The following HS3ST4 variants were observed in gnomAD, a reference collection of about 807,000 sequenced individuals.
HS3ST4 encodes the protein heparan sulfate glucosamine 3-O-sulfotransferase 4.
A neutral mutation model predicts 29.2 loss-of-function variants in HS3ST4; 17 were observed. The ratio of observed to expected loss-of-function variants is 0.58; its 90% CI spans 0.40 to 0.87. HS3ST4 has a LOEUF of 0.87. Ranked by LOEUF, HS3ST4 falls within the 40% of genes least tolerant of loss-of-function variation. The pLI is 0.00. For synonymous variants in HS3ST4, 314 were observed against 285.7 expected (o/e 1.10, Z -1.00); for missense variants, 627 against 634.5 (o/e 0.99, Z 0.13).
At chr16:25,701,526 C>T (rs556702638) in intron 1 of HS3ST4, among the ~76,000 whole-genome samples, 7 of 152,042 alleles carry the variant, frequency 4.6e-5, no homozygotes, top group Non-Finnish European at 8.8e-5. Context: ...GCCAGATGTA[C>T]GTTAAGTATA....
chr16:26,127,205 C>T (rs1039900046), intron 1 of HS3ST4, among the ~76,000 whole-genome samples: 6 of 152,198 alleles, frequency 3.9e-5, no homozygotes, highest in Admixed American at 1.3e-4. Context: ...GCTCAGCAAT[C>T]GACCCTACTC....
intron 1 of HS3ST4, among the ~76,000 whole-genome samples, chr16:25,927,818 T>C (rs959750836): frequency 6.6e-6 from 1 of 152,032 alleles, no homozygotes; most frequent in Non-Finnish European, 1.5e-5. Flanking sequence ...ATTGAGCACC[T>C]ACCATGTTCC....
At chr16:25,842,521 C>A (rs181297056) in intron 1 of HS3ST4, among the ~76,000 whole-genome samples, 27 of 152,300 alleles carry the variant, frequency 1.8e-4, no homozygotes, top group African/African-American at 5.3e-4. Context: ...TCATCTTTTT[C>A]TTCCCAGTAT....
At chr16:25,766,599 ACAT>A (rs1296676117) in intron 1 of HS3ST4, among the ~76,000 whole-genome samples, 1 of 152,240 alleles carries the variant, frequency 6.6e-6, no homozygotes, top group East Asian at 1.9e-4. Flanking sequence ...GTGTGCACAC[ACAT>A]CATTTTAAAA....
chr16:25,768,382 C>T (rs927949915), intron 1 of HS3ST4, among the ~76,000 whole-genome samples: 1 of 152,164 alleles, frequency 6.6e-6, no homozygotes, highest in Admixed American at 6.5e-5. Flanking sequence ...TGCATTAGAT[C>T]CCTCTCTTCT....
intron 1 of HS3ST4, among the ~76,000 whole-genome samples, chr16:26,012,034 TCGA>T (rs1969315837): frequency 1.3e-5 from 2 of 152,176 alleles, no homozygotes; most frequent in African/African-American, 4.8e-5. Context: ...ACCTGAATAA[TCGA>T]TTAATGCTCC....
intron 1 of HS3ST4, among the ~76,000 whole-genome samples, chr16:26,106,080 A>G (rs1000433174): frequency 6.6e-6 from 1 of 152,222 alleles, no homozygotes; most frequent in Non-Finnish European, 1.5e-5. Flanking sequence ...GTGGTTTCCT[A>G]AGACCGTAGA....
chr16:25,897,207 C>A (rs904984225), intron 1 of HS3ST4, among the ~76,000 whole-genome samples: 1 of 152,158 alleles, frequency 6.6e-6, no homozygotes, highest in African/African-American at 2.4e-5. Context: ...GTAATCCCAG[C>A]ACTTTGGAAG....
At chr16:25,998,340 G>A (rs973786414) in intron 1 of HS3ST4, among the ~76,000 whole-genome samples, 7 of 152,088 alleles carry the variant, frequency 4.6e-5, no homozygotes, top group African/African-American at 7.2e-5. Context: ...ATTTGGATAC[G>A]GTAGTGCAGA....
rs1397271916 is a variant in HS3ST4 at position 26,136,369 on chromosome 16, A to G, written c.*121A>G. Reference sequence around the variant, plus strand: ...TGCCAAGTAGATCTCCTCCTCCTTCATGCAGCCAGGATTGCCTCCAGTGCT... The same window carrying G: ...TGCCAAGTAGATCTCCTCCTCCTTCGTGCAGCCAGGATTGCCTCCAGTGCT... On this transcript the variant is annotated 3_prime_UTR_variant, in exon 2 of 2. Coordinates refer to ENST00000331351, the MANE Select transcript of HS3ST4 (RefSeq NM_006040.3). 3.7e-5 allele frequency: 35 copies of G among 953,088 alleles called. No homozygotes were observed. Among genetic ancestry groups the G allele is most frequent in the Non-Finnish European group, 3.0e-6 (2 of 656,212 alleles). The allele number at this position is 953,088 out of a possible 1,614,324, so 59.0% of individuals were successfully genotyped here.
chr16:25,793,649 T>G (rs1966875288), intron 1 of HS3ST4, among the ~76,000 whole-genome samples: 1 of 152,124 alleles, frequency 6.6e-6, no homozygotes, highest in African/African-American at 2.4e-5. Flanking sequence ...AGTCCCTTAC[T>G]GTCAACCTTT....
chr16:26,004,420 T>C (rs1287596093), intron 1 of HS3ST4, among the ~76,000 whole-genome samples: 1 of 152,164 alleles, frequency 6.6e-6, no homozygotes, highest in Non-Finnish European at 1.5e-5. Context: ...TGGAGAGATT[T>C]ACAAGGTTAA....
chr16:26,041,343 AAAT>A (rs1032398562), intron 1 of HS3ST4, among the ~76,000 whole-genome samples: 1 of 151,718 alleles, frequency 6.6e-6, no homozygotes, highest in African/African-American at 2.4e-5. Flanking sequence ...ATGTCTTTAA[AAAT>A]AATAATAATG....
At chr16:25,885,890 C>G (rs969304611) in intron 1 of HS3ST4, among the ~76,000 whole-genome samples, 2 of 151,928 alleles carry the variant, frequency 1.3e-5, no homozygotes, top group Non-Finnish European at 2.9e-5. Flanking sequence ...ATTATACTTT[C>G]TTTTGCCTGT....
intron 1 of HS3ST4, among the ~76,000 whole-genome samples, chr16:25,754,739 C>A (rs1451466774): frequency 1.3e-5 from 2 of 152,066 alleles, no homozygotes; most frequent in Non-Finnish European, 2.9e-5. Flanking sequence ...ATGGGGAAAA[C>A]CACCCCCATG....
chr16:25,817,548 T>C (rs1967105789), intron 1 of HS3ST4, among the ~76,000 whole-genome samples: 1 of 152,192 alleles, frequency 6.6e-6, no homozygotes, highest in Non-Finnish European at 1.5e-5. Flanking sequence ...TATACTTGAC[T>C]CACGGCTGTA....
At chr16:25,696,463 C>G (rs1300453768) in intron 1 of HS3ST4, among the ~76,000 whole-genome samples, 1 of 151,810 alleles carries the variant, frequency 6.6e-6, no homozygotes, top group African/African-American at 2.4e-5. Flanking sequence ...ACCATTCAGC[C>G]CCAGGGCAAT....
At chr16:26,044,932 C>A (rs540327645) in intron 1 of HS3ST4, among the ~76,000 whole-genome samples, 1 of 152,106 alleles carries the variant, frequency 6.6e-6, no homozygotes, top group East Asian at 1.9e-4. Flanking sequence ...ACACTTAAGA[C>A]CCTGGACAGG....
At chr16:26,011,430 C>G (rs1969309766) in intron 1 of HS3ST4, among the ~76,000 whole-genome samples, 1 of 152,100 alleles carries the variant, frequency 6.6e-6, no homozygotes. Context: ...CGTGGTGGCA[C>G]ACATCTGTAA....
Sources: gnomAD v4.1 joint callset for allele counts (sites outside exome capture counted in the v4.1 genomes callset) on GRCh38, gnomAD v4.1.1 for gene constraint, MANE v1.5 for transcripts, NCBI Gene and HGNC (gene_info 2026-07-23, HGNC 2026-07-21) for gene names.